Variants in C22orf42 observed in about 807,000 individuals in gnomAD.
C22orf42 encodes the protein uncharacterized protein C22orf42.
Under a neutral mutation model 31.4 loss-of-function variants are expected in C22orf42, and 24 were observed. That is an observed-to-expected ratio of 0.77 (90% CI 0.55 to 1.08). The LOEUF (loss-of-function observed/expected upper bound fraction) is 1.08. C22orf42 is among the 50% of genes least tolerant of loss of function. The pLI is 0.00. For synonymous variants in C22orf42, 96 were observed against 112.7 expected, an observed-to-expected ratio of 0.85 and a Z score of 0.94; for missense variants, 276 against 327.3, an observed-to-expected ratio of 0.84 and a Z score of 1.21.
intron 1 of C22orf42, 67 bp from the exon 2 acceptor site, chr22:32,154,385 T>G (rs1921148373): frequency 6.4e-7 from 1 of 1,554,080 alleles, no homozygotes; most frequent in Admixed American, 2.1e-5. Flanking sequence ...GTGCTTGACA[T>G]GTTGCTGGCA....
At chr22:32,154,124 C>T (rs1255371728) in intron 2 of C22orf42, 120 bp downstream of exon 2, 4 of 725,574 alleles carry the variant, frequency 5.5e-6, no homozygotes, top group African/African-American at 1.8e-5. Context: ...TAAATTGGCA[C>T]AAATGAAATA....
At position 32,158,506 on chromosome 22, in the gene C22orf42, C is replaced by T. The variant is rs147789919; in HGVS notation, c.232+478G>A. ...TTGGAAGAAGTAAAGCAGCTTCTGTCAATGTGACTTAAAACCATCTATTAA... is the reference window on the plus strand; with the variant it reads ...TTGGAAGAAGTAAAGCAGCTTCTGTTAATGTGACTTAAAACCATCTATTAA... On this transcript the variant is annotated intron_variant, in intron 1 of 8. Transcript: ENST00000382097. 8.7e-3 allele frequency among the ~76,000 whole-genome samples: 1,323 copies of T among 152,310 alleles called. 18 individuals carry two copies. The highest frequency in any genetic ancestry group is 0.03 in the African/African-American group (1,258 of 41,562).
chr22:32,150,549 T>G, intron 6 of C22orf42, 70 bp from the exon 7 acceptor site: 1 of 1,525,764 alleles, frequency 6.6e-7, no homozygotes, highest in African/African-American at 1.4e-5. Flanking sequence ...TTGGGGGATG[T>G]GGACCAGGGC....
Position 32,158,951 on chromosome 22 carries a change from C to T in C22orf42, c.232+33G>A, listed in dbSNP as rs369125574. ...GGGGGCGGTGGTGGCCAGAGAGATGCCAGAGAGCAAATGGCACCCATGGCT... is the reference window on the plus strand; with the variant it reads ...GGGGGCGGTGGTGGCCAGAGAGATGTCAGAGAGCAAATGGCACCCATGGCT... On this transcript the variant is annotated intron_variant, in intron 1 of 8. Coordinates refer to ENST00000382097, the MANE Select transcript of C22orf42 (RefSeq NM_001010859.3). The T allele has an allele frequency of 2.2e-5, 35 of 1,612,816 alleles. No individual in the cohort carries two copies. In the African/African-American group the frequency reaches 4.1e-4, roughly 19 times the overall value.
At chr22:32,155,581 C>G (rs916275624) in intron 1 of C22orf42, among the ~76,000 whole-genome samples, 3 of 151,534 alleles carry the variant, frequency 2.0e-5, no homozygotes, top group Non-Finnish European at 4.4e-5. Flanking sequence ...CCAAAGCAAT[C>G]CTGTACTTCC....
chr22:32,151,654 G>A (rs1920984368), intron 4 of C22orf42, 103 bp from the exon 5 acceptor site: 16 of 1,121,846 alleles, frequency 1.4e-5, no homozygotes, highest in Admixed American at 8.6e-5. Context: ...GGAGGTGGGC[G>A]GTTGACAGGC....
At position 32,149,462 on chromosome 22, in the gene C22orf42, C is replaced by A. The variant is rs911784566; in HGVS notation, c.*78G>T. ...AGAGGCTTGTGATTTTTTTTTCACC[C>A]AGATGGAAATATGCATTCATAAAAT... On this transcript the variant is annotated 3_prime_UTR_variant, in exon 9 of 9. Transcript: ENST00000382097. The A allele has an allele frequency of 5.3e-5, 73 of 1,389,736 alleles. No homozygotes were observed. Among genetic ancestry groups the A allele is most frequent in the Non-Finnish European group, 6.7e-5 (71 of 1,053,270 alleles). The allele number at this position is 1,389,736 out of a possible 1,614,324, so 86.1% of individuals were successfully genotyped here.
chr22:32,152,598 T>G lies in C22orf42; in HGVS notation c.336A>C (p.Ala112=). Residue 112 remains alanine (A), a synonymous_variant, in exon 3 of 9, where the codon GCA becomes GCC. Coordinates refer to ENST00000382097, the MANE Select transcript of C22orf42 (RefSeq NM_001010859.3). ...IGPTEDVQAS[A]HGGVEENMTS... Reference sequence around the variant, plus strand: ...TCATATTCTCCTCCACACCGCCGTGTGCAGACGCCTGCACATCTTCAGTGG... The same window carrying G: ...TCATATTCTCCTCCACACCGCCGTGGGCAGACGCCTGCACATCTTCAGTGG... 3 of 1,613,686 alleles carry G rather than the reference T, an allele frequency of 1.9e-6. No homozygotes were observed. The highest frequency in any genetic ancestry group is 2.5e-6 in the Non-Finnish European group (3 of 1,179,594).
rs556682969 is a variant in C22orf42 at position 32,150,726 on chromosome 22, G to A, written c.494-247C>T. The A allele has an allele frequency of 9.4e-5, 59 of 627,728 alleles. 2 individuals are homozygous for A. The South Asian group carries it at 1.2e-3, about 13-fold the overall frequency. The allele number at this position is 627,728 out of a possible 1,614,324, so 38.9% of individuals were successfully genotyped here. A position where few individuals can be genotyped will look rare whatever the true frequency, so the allele number is the denominator to read the frequency against. On this transcript the variant is annotated intron_variant, in intron 6 of 8. Transcript: ENST00000382097. ...TGTGAAATAGTCACCTTAAGAACCA[G>A]TTAATACAGAAAAGCACTGTACTAT...
chr22:32,155,425 T>C (rs996118209), intron 1 of C22orf42, among the ~76,000 whole-genome samples: 5 of 151,456 alleles, frequency 3.3e-5, no homozygotes, highest in Non-Finnish European at 7.4e-5. Flanking sequence ...AAATCTCCCA[T>C]CAGGTGATTC....
chr22:32,156,122 C>G (rs1921246635), intron 1 of C22orf42, among the ~76,000 whole-genome samples: 1 of 152,056 alleles, frequency 6.6e-6, no homozygotes, highest in African/African-American at 2.4e-5. Flanking sequence ...TGAGGCTTAA[C>G]TACTTTAATA....
intron 6 of C22orf42, 188 bp downstream of exon 6, chr22:32,150,804 G>A: frequency 1.5e-6 from 1 of 663,068 alleles, no homozygotes; most frequent in Admixed American, 2.8e-5. Context: ...TGGGAGTTGG[G>A]AAAGACAGAG....
intron 8 of C22orf42, 68 bp from the exon 9 acceptor site, chr22:32,149,681 A>G (rs2149510310): frequency 8.2e-7 from 1 of 1,212,930 alleles, no homozygotes; most frequent in Non-Finnish European, 1.1e-6. Flanking sequence ...ACATATATGT[A>G]TATCTACATA....
intron 1 of C22orf42, among the ~76,000 whole-genome samples, chr22:32,157,725 G>C (rs1452114445): frequency 1.3e-5 from 2 of 152,254 alleles, no homozygotes; most frequent in Non-Finnish European, 2.9e-5. Flanking sequence ...TCCACTACCA[G>C]CTACTGAAGG....
upstream of C22orf42, chr22:32,159,632 C>T: frequency 3.3e-6 from 1 of 300,040 alleles, no homozygotes; most frequent in Non-Finnish European, 5.1e-6. Flanking sequence ...CTCTGTTTTT[C>T]TGAGTCTGGC....
chr22:32,157,546 C>T (rs1249433510), intron 1 of C22orf42, among the ~76,000 whole-genome samples: 7 of 152,226 alleles, frequency 4.6e-5, no homozygotes, highest in African/African-American at 1.4e-4. Context: ...CCTCTCCCAT[C>T]ATCCTCACAA....
chr22:32,153,895 G>A (rs2413072), intron 2 of C22orf42, among the ~76,000 whole-genome samples: 33,979 of 150,766 alleles, frequency 0.23, 3,915 homozygotes, highest in Middle Eastern at 0.29. Flanking sequence ...ATAGTGGCAC[G>A]TGCCTTATGG....
At chr22:32,158,932 G>A (rs373240877) in intron 1 of C22orf42, 52 bp downstream of exon 1, 437 of 1,594,734 alleles carry the variant, frequency 2.7e-4, no homozygotes, top group African/African-American at 7.0e-4. Flanking sequence ...GGGTGGGGGC[G>A]GTGGTGGCCA....
rs199682684 is a variant in C22orf42, at chr22:32,159,036, G to A, written c.180C>T (p.Leu60=). Residue 60 remains leucine, a synonymous_variant, in exon 1 of 9, where the codon CTC becomes CTT. Coordinates refer to ENST00000382097, the MANE Select transcript of C22orf42 (RefSeq NM_001010859.3). ...KLDLKAKKAQ[L]MQYLSLPKTP... ...TCTTCGGGAGGCTGAGGTACTGCATGAGTTGGGCCTTCTTAGCTTTCAAAT... is the reference window on the plus strand; with the variant it reads ...TCTTCGGGAGGCTGAGGTACTGCATAAGTTGGGCCTTCTTAGCTTTCAAAT... 1 of 1,614,208 alleles carries A rather than the reference G, an allele frequency of 6.2e-7. No homozygotes were observed. Among genetic ancestry groups the A allele is most frequent in the Non-Finnish European group, 8.5e-7 (1 of 1,180,038 alleles).
Sources: gnomAD v4.1 joint callset for allele counts (sites outside exome capture counted in the v4.1 genomes callset) on GRCh38, gnomAD v4.1.1 for gene constraint, MANE v1.5 for transcripts, NCBI Gene and HGNC (gene_info 2026-07-23, HGNC 2026-07-21) for gene names.